Variants in ZSWIM5 observed in about 807,000 individuals in gnomAD.
ZSWIM5 encodes zinc finger SWIM-type containing 5, also known as zinc finger SWIM domain-containing protein 5.
A neutral mutation model predicts 119.6 loss-of-function variants in ZSWIM5; 55 were observed. That is an observed-to-expected ratio of 0.46 (90% CI 0.37 to 0.58). The LOEUF (loss-of-function observed/expected upper bound fraction) is 0.58. Among genes scored for constraint, ZSWIM5 ranks in the 20% least tolerant of loss-of-function variants. The pLI is 0.00. For missense variants in ZSWIM5, 1,193 were observed against 1,512.8 expected, an observed-to-expected ratio of 0.79 and a Z score of 3.51; for synonymous variants, 537 against 606.9, an observed-to-expected ratio of 0.88 and a Z score of 1.69.
At position 45,117,637 on chromosome 1, in the gene ZSWIM5, C is replaced by T. The variant is rs114086100; in HGVS notation, c.596-29400G>A. On this transcript the variant is annotated intron_variant, in intron 1 of 13. Coordinates refer to ENST00000359600, the MANE Select transcript of ZSWIM5 (RefSeq NM_020883.2). The stretch of plus-strand genomic sequence containing the variant: ...CAGTGAGCCATATTATGCCACTGCA[C>T]TCTAGCCTGGTTAACAGAGAGAGAC... 4.5e-3 allele frequency among the ~76,000 whole-genome samples: 685 copies of T among 152,248 alleles called. 8 individuals are homozygous for T. Among genetic ancestry groups the T allele is most frequent in the African/African-American group, 0.016 (646 of 41,542 alleles).
chr1:45,049,467 A>G (rs529366907), intron 5 of ZSWIM5, among the ~76,000 whole-genome samples: 19 of 152,298 alleles, frequency 1.2e-4, no homozygotes, highest in African/African-American at 4.1e-4. Context: ...AGAAGCAGCA[A>G]CATCTTCAAA....
At chr1:45,044,836 A>T (rs71500081) in intron 5 of ZSWIM5, among the ~76,000 whole-genome samples, 394 of 11,858 alleles carry the variant, frequency 0.033, 121 homozygotes, top group South Asian at 0.074. Context: ...TATATATATA[A>T]ATATATATAT....
At position 45,206,078 on chromosome 1, in the gene ZSWIM5, C is replaced by T. The variant is rs745875023; in HGVS notation, c.273G>A (p.Glu91=). The T allele has an allele frequency of 2.5e-6, 4 of 1,611,852 alleles. No individual in the cohort carries two copies. The highest frequency in any genetic ancestry group is 3.4e-6 in the Non-Finnish European group (4 of 1,179,378). The change falls in exon 1 of 14, where the codon GAG becomes GAA. Residue 91 remains glutamate, a synonymous_variant. Transcript: ENST00000359600. Reference sequence around the variant, plus strand: ...AGTAGACGATGCGGCGCTGCACGGGCTCCGGGATCCGCTCGAAGCGCTCCT... The same window carrying T: ...AGTAGACGATGCGGCGCTGCACGGGTTCCGGGATCCGCTCGAAGCGCTCCT... ...RVEERFERIP[E]PVQRRIVYWS...
At chr1:45,184,532 A>G (rs1184385125) in intron 1 of ZSWIM5, among the ~76,000 whole-genome samples, 3 of 152,364 alleles carry the variant, frequency 2.0e-5, no homozygotes, top group Non-Finnish European at 4.4e-5. Context: ...CCTTAAGCTG[A>G]TAAGCAACTC....
At chr1:45,143,696 T>C (rs1208608969) in intron 1 of ZSWIM5, among the ~76,000 whole-genome samples, 1 of 151,894 alleles carries the variant, frequency 6.6e-6, no homozygotes, top group Admixed American at 6.6e-5. Context: ...GTAATAAAAA[T>C]ATACAGATTG....
intron 1 of ZSWIM5, among the ~76,000 whole-genome samples, chr1:45,129,957 G>C (rs936305246): frequency 2.0e-5 from 3 of 152,000 alleles, no homozygotes; most frequent in Non-Finnish European, 4.4e-5. Flanking sequence ...CAGTGCAGCA[G>C]TGTGATCTCA....
intron 10 of ZSWIM5, among the ~76,000 whole-genome samples, chr1:45,035,375 C>T (rs1052957950): frequency 6.6e-6 from 1 of 152,130 alleles, no homozygotes; most frequent in African/African-American, 2.4e-5. Flanking sequence ...AGGGCTCAGA[C>T]CCCTTCTCAG....
Position 45,019,325 on chromosome 1 carries a change from G to A in ZSWIM5, c.2696-9C>T, listed in dbSNP as rs1644873869. The A allele has an allele frequency of 1.2e-6, 2 of 1,603,326 alleles. No homozygotes were observed. Among genetic ancestry groups the A allele is most frequent in the East Asian group, 4.5e-5 (2 of 44,792 alleles). On this transcript the variant is annotated splice_polypyrimidine_tract_variant and intron_variant, in intron 13 of 13. Coordinates refer to ENST00000359600, the MANE Select transcript of ZSWIM5 (RefSeq NM_020883.2). This position sits in a 1 kb window ranked among gnomAD's most constrained non-coding sequence, Gnocchi z 5.0. ...CACCAGGGCCCGCACACCTGTCAGG[G>A]GGAGCCTGAGCTCAGCCGTGGCCAT...
chr1:45,121,242 C>T (rs1645590007), intron 1 of ZSWIM5, among the ~76,000 whole-genome samples: 1 of 152,230 alleles, frequency 6.6e-6, no homozygotes, highest in Non-Finnish European at 1.5e-5. Context: ...TGAGCCACAG[C>T]ACCCGGCCCA....
intron 4 of ZSWIM5, among the ~76,000 whole-genome samples, chr1:45,054,934 T>G (rs892077564): frequency 6.6e-6 from 1 of 152,162 alleles, no homozygotes; most frequent in African/African-American, 2.4e-5. Context: ...CAAGCGATTC[T>G]CCTGCCTCAG....
chr1:45,182,294 C>T (rs965242209), intron 1 of ZSWIM5, among the ~76,000 whole-genome samples: 6 of 151,932 alleles, frequency 3.9e-5, no homozygotes, highest in Non-Finnish European at 8.8e-5. Flanking sequence ...GTCCCAGCTA[C>T]TCGGGAGGCT....
chr1:45,165,066 G>T (rs1645892620), intron 1 of ZSWIM5, among the ~76,000 whole-genome samples: 1 of 151,928 alleles, frequency 6.6e-6, no homozygotes, highest in South Asian at 2.1e-4. Context: ...ATAGTTGGAA[G>T]TAAAGCACTC....
chr1:45,040,139 C>T (rs1645010733), intron 7 of ZSWIM5, among the ~76,000 whole-genome samples: 1 of 152,192 alleles, frequency 6.6e-6, no homozygotes, highest in Non-Finnish European at 1.5e-5. Flanking sequence ...TGCCTGTCCA[C>T]AGCTTTAGAG....
intron 2 of ZSWIM5, among the ~76,000 whole-genome samples, chr1:45,063,390 A>G (rs763305992): frequency 7.9e-5 from 12 of 152,204 alleles, no homozygotes; most frequent in Non-Finnish European, 1.6e-4. Context: ...CCAAATAAAC[A>G]TAGTTCTGAT....
At chr1:45,108,815 A>C (rs1248755869) in intron 1 of ZSWIM5, among the ~76,000 whole-genome samples, 1 of 152,200 alleles carries the variant, frequency 6.6e-6, no homozygotes, top group Non-Finnish European at 1.5e-5. Context: ...AAAAATGCCT[A>C]TGCATAAATA....
intron 1 of ZSWIM5, among the ~76,000 whole-genome samples, chr1:45,134,861 G>A (rs889710633): frequency 2.6e-5 from 4 of 152,124 alleles, no homozygotes; most frequent in South Asian, 2.1e-4. Flanking sequence ...TGGCTATTTC[G>A]CTTAGCACAA....
At chr1:45,183,928 C>T (rs1386568455) in intron 1 of ZSWIM5, among the ~76,000 whole-genome samples, 8 of 152,122 alleles carry the variant, frequency 5.3e-5, no homozygotes, top group Admixed American at 2.6e-4. Context: ...ATACCAAAGC[C>T]GGGCAGAGAC....
rs1646193130 is a variant in ZSWIM5, at chr1:45,206,469, G to A, written c.-119C>T. The A allele has an allele frequency of 4.2e-6, 5 of 1,199,736 alleles. No individual in the cohort carries two copies. The highest frequency in any genetic ancestry group is 5.2e-6 in the Non-Finnish European group (5 of 968,128). 74.3% of individuals were successfully genotyped at this position (1,199,736 alleles called of 1,614,324 possible). A position where few individuals can be genotyped will look rare whatever the true frequency, so the allele number is the denominator to read the frequency against. On this transcript the variant is annotated 5_prime_UTR_variant, in exon 1 of 14. Coordinates refer to ENST00000359600, the MANE Select transcript of ZSWIM5 (RefSeq NM_020883.2). ...GCGGTGGCGCCGAGGGGGGCGGGGC[G>A]AGAGAACCCGCGAGCCAGCCGGCCC...
At chr1:45,168,109 T>C (rs2149044313) in intron 1 of ZSWIM5, among the ~76,000 whole-genome samples, 1 of 152,034 alleles carries the variant, frequency 6.6e-6, no homozygotes, top group South Asian at 2.1e-4. Context: ...ATTAAGAAAA[T>C]GTGGCACATA....
Sources: gnomAD v4.1 joint callset for allele counts (sites outside exome capture counted in the v4.1 genomes callset) on GRCh38, gnomAD v4.1.1 for gene constraint, Gnocchi (gnomAD v3.1) non-coding constraint, MANE v1.5 for transcripts, NCBI Gene and HGNC (gene_info 2026-07-23, HGNC 2026-07-21) for gene names.